Variants in ITPRID1 observed in about 807,000 individuals in gnomAD.
ITPRID1 encodes the protein protein ITPRID1.
ITPRID1 carries 96 observed loss-of-function variants against 95.4 expected under a neutral mutation model. That is an observed-to-expected ratio of 1.01 (90% CI 0.85 to 1.19). The LOEUF is 1.19. Ranked by LOEUF, ITPRID1 falls within the 50% of genes most tolerant of loss-of-function variation. The pLI, the probability that ITPRID1 is intolerant of heterozygous loss-of-function variation, is 0.00. For missense variants in ITPRID1, 1,339 were observed against 1,252.9 expected (o/e 1.07, Z -1.04); for synonymous variants, 510 against 453.6 (o/e 1.12, Z -1.58).
chr7:31,569,647 A>G (rs1784913749), intron 5 of ITPRID1, 111 bp from the exon 6 acceptor site: 2 of 868,068 alleles, frequency 2.3e-6, no homozygotes, highest in Admixed American at 2.3e-5. Flanking sequence ...TCATGCCTAT[A>G]TAACCTTGGA....
chr7:31,635,345 C>T (rs1789382820), intron 10 of ITPRID1, among the ~76,000 whole-genome samples: 1 of 152,172 alleles, frequency 6.6e-6, no homozygotes, highest in Admixed American at 6.5e-5. Context: ...CCACATTTTG[C>T]TTGGTGAATC....
rs555316790 is a variant in ITPRID1 at position 31,597,871 on chromosome 7, A to T, written c.1228+14680A>T. Among the ~76,000 whole-genome samples the T allele has an allele frequency of 6.6e-5, 10 of 152,274 alleles. No individual in the cohort carries two copies. In the South Asian group the frequency reaches 2.1e-3, roughly 32 times the overall value. On this transcript the variant is annotated intron_variant, in intron 10 of 14. Transcript: ENST00000615280. ...GAAGGAATTTTCCCTGCTAGAAATC[A>T]ACACTTATTATATAGAAATTGTAAT... is the stretch of plus-strand genomic sequence containing the variant.
chr7:31,635,249 G>A (rs1789373663), intron 10 of ITPRID1, among the ~76,000 whole-genome samples: 1 of 152,162 alleles, frequency 6.6e-6, no homozygotes, highest in South Asian at 2.1e-4. Flanking sequence ...ACATCTAGAT[G>A]TGCATAGTCT....
chr7:31,600,551 A>G (rs1447745368), intron 10 of ITPRID1, among the ~76,000 whole-genome samples: 3 of 152,220 alleles, frequency 2.0e-5, no homozygotes, highest in Non-Finnish European at 4.4e-5. Context: ...GAAAAAGGTT[A>G]AAGAGAGAAA....
intron 1 of ITPRID1, among the ~76,000 whole-genome samples, chr7:31,533,984 C>T (rs999657163): frequency 2.0e-5 from 3 of 152,172 alleles, no homozygotes; most frequent in Admixed American, 1.3e-4. Flanking sequence ...GCATTATTGC[C>T]TGGGCTCTGC....
chr7:31,524,787 T>C (rs1294635211), intron 1 of ITPRID1, among the ~76,000 whole-genome samples: 3 of 152,204 alleles, frequency 2.0e-5, no homozygotes, highest in Admixed American at 6.5e-5. Flanking sequence ...TACGTAGTAT[T>C]GTAACTATTT....
intron 1 of ITPRID1, among the ~76,000 whole-genome samples, chr7:31,528,352 A>G (rs1783488679): frequency 6.6e-6 from 1 of 152,246 alleles, no homozygotes; most frequent in Non-Finnish European, 1.5e-5. Flanking sequence ...AAATAAGGTC[A>G]TCATTTTGCA....
At chr7:31,544,161 A>G (rs1167786947) in intron 1 of ITPRID1, among the ~76,000 whole-genome samples, 3 of 152,062 alleles carry the variant, frequency 2.0e-5, no homozygotes, top group Admixed American at 6.6e-5. Context: ...CTTGTTCTTT[A>G]TCTTAGTGGG....
At chr7:31,585,242 T>A (rs1309863830) in intron 10 of ITPRID1, among the ~76,000 whole-genome samples, 1 of 152,184 alleles carries the variant, frequency 6.6e-6, no homozygotes, top group Non-Finnish European at 1.5e-5. Flanking sequence ...TACGATGAAC[T>A]CTTCAAATAC....
chr7:31,614,580 A>C (rs1369262155), intron 10 of ITPRID1, among the ~76,000 whole-genome samples: 1 of 152,210 alleles, frequency 6.6e-6, no homozygotes, highest in Admixed American at 6.5e-5. Context: ...CATATACCAG[A>C]TCCTTAGAAC....
chr7:31,516,420 C>G (rs2128125471), intron 1 of ITPRID1, among the ~76,000 whole-genome samples: 1 of 152,202 alleles, frequency 6.6e-6, no homozygotes, highest in African/African-American at 2.4e-5. Context: ...ACTACATGTA[C>G]AAAATTCAAT....
chr7:31,585,333 T>A (rs1785550724), intron 10 of ITPRID1, among the ~76,000 whole-genome samples: 1 of 152,140 alleles, frequency 6.6e-6, no homozygotes, highest in Non-Finnish European at 1.5e-5. Flanking sequence ...GCAGAAAAAT[T>A]ATGTTTAAGC....
At chr7:31,617,712 C>A (rs1212485902) in intron 10 of ITPRID1, among the ~76,000 whole-genome samples, 2 of 151,822 alleles carry the variant, frequency 1.3e-5, no homozygotes, top group Non-Finnish European at 2.9e-5. Flanking sequence ...TCCCTCCGAC[C>A]CCCACAGTAC....
At chr7:31,542,458 C>G (rs1043931327) in intron 1 of ITPRID1, among the ~76,000 whole-genome samples, 3 of 152,088 alleles carry the variant, frequency 2.0e-5, no homozygotes, top group Non-Finnish European at 2.9e-5. Context: ...TTTAAACAAC[C>G]AATTAATTTA....
rs907965083 is a variant in ITPRID1 at position 31,589,474 on chromosome 7, A to G, written c.1228+6283A>G. ...TTTGCTCAAAGATTTACATTTACAGATTCAAGAAGCCAGCAAACTCTAAGT... is the reference window on the plus strand; with the variant it reads ...TTTGCTCAAAGATTTACATTTACAGGTTCAAGAAGCCAGCAAACTCTAAGT... On this transcript the variant is annotated intron_variant, in intron 10 of 14. Transcript: ENST00000615280. Among the ~76,000 whole-genome samples, 4 of 152,310 alleles carry G rather than the reference A, an allele frequency of 2.6e-5. No homozygotes were observed. In the South Asian group the frequency reaches 6.2e-4, roughly 24 times the overall value.
intron 10 of ITPRID1, among the ~76,000 whole-genome samples, chr7:31,625,011 C>G (rs1483644097): frequency 6.6e-6 from 1 of 152,188 alleles, no homozygotes; most frequent in Admixed American, 6.5e-5. Flanking sequence ...AGTCAAAAAA[C>G]ACATGAAAAA....
chr7:31,614,587 G>A (rs1350711507), intron 10 of ITPRID1, among the ~76,000 whole-genome samples: 1 of 152,082 alleles, frequency 6.6e-6, no homozygotes, highest in Non-Finnish European at 1.5e-5. Flanking sequence ...CAGATCCTTA[G>A]AACAGTTCCT....
chr7:31,576,551 G>A (rs965375545), intron 8 of ITPRID1, among the ~76,000 whole-genome samples: 4 of 152,134 alleles, frequency 2.6e-5, no homozygotes, highest in African/African-American at 9.7e-5. Context: ...AATTTAGGGG[G>A]GAAATGTAAT....
At chr7:31,579,163 G>A (rs1235084727) in intron 9 of ITPRID1, among the ~76,000 whole-genome samples, 1 of 151,974 alleles carries the variant, frequency 6.6e-6, no homozygotes, top group Non-Finnish European at 1.5e-5. Flanking sequence ...ATTCTCACTT[G>A]TACTTCTCAG....
Sources: allele counts gnomAD v4.1 joint callset (sites outside exome capture counted in the v4.1 genomes callset), GRCh38; gene constraint gnomAD v4.1.1; transcripts MANE v1.5; gene names NCBI Gene and HGNC (gene_info 2026-07-23, HGNC 2026-07-21).